Variants in RGS12 observed in about 807,000 individuals in gnomAD.
The protein encoded by RGS12 is regulator of G-protein signaling 12.
A neutral mutation model predicts 120.1 loss-of-function variants in RGS12; 66 were observed. The observed-to-expected ratio is 0.55, with a 90% CI of 0.45 to 0.67. The LOEUF is 0.67. Ranked by LOEUF, RGS12 falls within the 30% of genes least tolerant of loss-of-function variation. The pLI, the probability that RGS12 is intolerant of heterozygous loss-of-function variation, is 0.00. For synonymous variants in RGS12, 827 were observed against 804.7 expected, an observed-to-expected ratio of 1.03 and a Z score of -0.47; for missense variants, 1,859 against 1,957.7, an observed-to-expected ratio of 0.95 and a Z score of 0.95.
chr4:3,324,490 T>C (rs566642483), intron 2 of RGS12: 20 of 203,536 alleles, frequency 9.8e-5, no homozygotes, highest in South Asian at 9.2e-4. Context: ...GCGTACGCCA[T>C]TGGGTAGCTG....
upstream of RGS12, among the ~76,000 whole-genome samples, chr4:3,292,643 A>G (rs6815329): frequency 0.011 from 1,670 of 152,196 alleles, 39 homozygotes; most frequent in African/African-American, 0.038. Context: ...GGCCACACCG[A>G]CCTGCCCTTC....
intron 2 of RGS12, among the ~76,000 whole-genome samples, chr4:3,327,819 C>T (rs1252373888): frequency 6.6e-6 from 1 of 152,172 alleles, no homozygotes; most frequent in Non-Finnish European, 1.5e-5. Flanking sequence ...CCATGGAAAA[C>T]AGTATGTAGA....
chr4:3,288,152 C>T (rs1009279910), upstream of RGS12, among the ~76,000 whole-genome samples: 4 of 152,204 alleles, frequency 2.6e-5, no homozygotes, highest in African/African-American at 7.2e-5. The surrounding 1 kb of genome is among the most constrained non-coding windows in gnomAD (Gnocchi z 5.2). Flanking sequence ...AAACTACTGC[C>T]GCATGGGGAG....
intron 3 of RGS12, among the ~76,000 whole-genome samples, chr4:3,353,076 C>T (rs979308518): frequency 1.1e-4 from 17 of 152,232 alleles, no homozygotes; most frequent in African/African-American, 3.1e-4. Context: ...CCAAGGCCTC[C>T]GGCGTACTTT....
At chr4:3,431,274 T>C (rs1724276108) in intron 17 of RGS12, 1 of 1,199,644 alleles carries the variant, frequency 8.3e-7, no homozygotes, top group Non-Finnish European at 1.0e-6. Context: ...CCTGGGGGTT[T>C]CCGAAAATGG....
At chr4:3,352,137 C>A (rs1714416990) in intron 3 of RGS12, among the ~76,000 whole-genome samples, 1 of 152,146 alleles carries the variant, frequency 6.6e-6, no homozygotes, top group Non-Finnish European at 1.5e-5. Context: ...AATATAAATT[C>A]TGTAGTAACC....
In RGS12 at chr4:3,311,182, A is replaced by G. The variant is rs536657587; in HGVS notation, c.-101-4888A>G. Among the ~76,000 whole-genome samples, 6 of 151,706 alleles carry G rather than the reference A, an allele frequency of 4.0e-5. No homozygotes were observed. The East Asian group carries it at 5.8e-4, about 15-fold the overall frequency. On this transcript the variant is annotated intron_variant, in intron 1 of 17. Coordinates refer to ENST00000336727, the MANE Select transcript of RGS12 (RefSeq NM_001394154.1). ...CCCAGACTCTCTCTGCCTTCGGAGG[A>G]CGGCGTCTCTCTCGCCTCACACTGT...
chr4:3,432,552 G>T (rs1302806153), intron 17 of RGS12, among the ~76,000 whole-genome samples: 1 of 152,226 alleles, frequency 6.6e-6, no homozygotes, highest in African/African-American at 2.4e-5. Context: ...ACAGACCCAC[G>T]TGGGGGGTCA....
At chr4:3,332,548 G>C (rs1711979367) in intron 2 of RGS12, among the ~76,000 whole-genome samples, 8 of 152,134 alleles carry the variant, frequency 5.3e-5, no homozygotes, top group Admixed American at 5.2e-4. Flanking sequence ...TGCTAATCTG[G>C]GAGCTGTAAA....
chr4:3,434,176 C>A (rs1195124227), intron 17 of RGS12, among the ~76,000 whole-genome samples: 1 of 152,198 alleles, frequency 6.6e-6, no homozygotes, highest in African/African-American at 2.4e-5. Flanking sequence ...CAGAAGGCAC[C>A]TCTTCACAGG....
Position 3,428,720 on chromosome 4 carries a change from A to G in RGS12, c.3565+9A>G. 1 of 1,575,650 alleles carries G rather than the reference A, an allele frequency of 6.3e-7. No individual in the cohort carries two copies. Among genetic ancestry groups the G allele is most frequent in the Non-Finnish European group, 8.6e-7 (1 of 1,167,248 alleles). On this transcript the variant is annotated intron_variant, in intron 16 of 17. Coordinates refer to ENST00000336727, the MANE Select transcript of RGS12 (RefSeq NM_001394154.1). ...TTTGGACGAAGCAGAGGGTATGTGAACTTTTTAAAACTTCCACGTTTTTAG... is the reference window on the plus strand; with the variant it reads ...TTTGGACGAAGCAGAGGGTATGTGAGCTTTTTAAAACTTCCACGTTTTTAG...
intron 1 of RGS12, among the ~76,000 whole-genome samples, chr4:3,293,439 G>A (rs1175818170): frequency 6.9e-6 from 1 of 145,286 alleles, no homozygotes; most frequent in Non-Finnish European, 1.5e-5. Context: ...GACCCGCGGG[G>A]GCGGCGCCGG....
intron 3 of RGS12, among the ~76,000 whole-genome samples, chr4:3,347,032 A>G (rs1344309774): frequency 6.6e-6 from 1 of 152,112 alleles, no homozygotes; most frequent in African/African-American, 2.4e-5. Context: ...ATAAGAATAC[A>G]TGTGAACAGT....
chr4:3,291,905 C>G (rs187561138), upstream of RGS12, among the ~76,000 whole-genome samples: 1 of 152,334 alleles, frequency 6.6e-6, no homozygotes, highest in East Asian at 1.9e-4. Flanking sequence ...AATTGTCCCA[C>G]TGAGAATGCC....
At chr4:3,364,049 G>A (rs1340213854) in intron 3 of RGS12, among the ~76,000 whole-genome samples, 1 of 152,216 alleles carries the variant, frequency 6.6e-6, no homozygotes, top group East Asian at 1.9e-4. Context: ...GATTCTGCAC[G>A]TGTCTTGAGA....
In RGS12 at chr4:3,437,467, G is replaced by A. The variant is rs560382892; in HGVS notation, c.4115-1988G>A. On this transcript the variant is annotated intron_variant, in intron 17 of 17. Transcript: ENST00000336727. ...TGCCCAAATGCCCACGGTATTGACC[G>A]GCGAGAGGGGGCAAACCCCTGCCTC... 5.3e-5 allele frequency among the ~76,000 whole-genome samples: 8 copies of A among 152,234 alleles called. No homozygotes were observed. The East Asian group carries it at 1.4e-3, about 26-fold the overall frequency.
At position 3,439,599 on chromosome 4, in the gene RGS12, C is replaced by T. The variant is rs1193619406; in HGVS notation, c.4259C>T (p.Pro1420Leu). 1.2e-6 allele frequency: 2 copies of T among 1,609,002 alleles called. No homozygotes were observed. Among genetic ancestry groups the T allele is most frequent in the Non-Finnish European group, 1.7e-6 (2 of 1,177,854 alleles). The change falls in exon 18 of 18, where the codon CCT becomes CTT. Residue 1420 changes from proline to leucine, a missense_variant. By Grantham distance (98) the Pro-to-Leu change is moderately conservative (BLOSUM62 -3). Around this residue, in one of 3 missense-constraint regions of RGS12, gnomAD observed 517 missense variants for 488.5 expected, o/e 1.06. Transcript: ENST00000336727. ...AGGTCGCAGGCCAGTGGTGGGCCTC[C>T]TACATCAGACCTCCCTGGCTTGGGC... ...PGRSQASGGP[P>L]TSDLPGLGPV...
chr4:3,433,011 C>T lies in RGS12; in HGVS notation c.4114+2056C>T, dbSNP rs1373710381. On this transcript the variant is annotated intron_variant, in intron 17 of 17. Coordinates refer to ENST00000336727, the MANE Select transcript of RGS12 (RefSeq NM_001394154.1). The surrounding 1 kb of genome is among the most constrained non-coding windows in gnomAD (Gnocchi z 4.4). ...CTCTGTGCAGCTTGCTTCTGGAACC[C>T]CCACTCTAATGGGATTCTCTGTATT... Among the ~76,000 whole-genome samples the T allele has an allele frequency of 6.6e-6, 1 of 152,220 alleles. No homozygotes were observed. The highest frequency in any genetic ancestry group is 1.5e-5 in the Non-Finnish European group (1 of 68,022).
At chr4:3,346,213 A>T (rs79345734) in intron 3 of RGS12, among the ~76,000 whole-genome samples, 4,670 of 152,258 alleles carry the variant, frequency 0.031, 220 homozygotes, top group African/African-American at 0.1. Flanking sequence ...AAGCAGAGTG[A>T]GCACCAGTTG....
Sources: gnomAD v4.1 joint callset for allele counts (sites outside exome capture counted in the v4.1 genomes callset) on GRCh38, gnomAD v4.1.1 for gene constraint, gnomAD v4.1.1 regional missense constraint, Gnocchi (gnomAD v3.1) non-coding constraint, MANE v1.5 for transcripts, NCBI Gene and HGNC (gene_info 2026-07-23, HGNC 2026-07-21) for gene names.